The following KCNN3 variants were observed in gnomAD, a reference collection of about 807,000 sequenced individuals.
KCNN3 encodes potassium calcium-activated channel subfamily N member 3.
KCNN3 carries 16 observed loss-of-function variants against 62.9 expected under a neutral mutation model. The ratio of observed to expected loss-of-function variants is 0.25; its 90% CI spans 0.17 to 0.39. KCNN3 has a LOEUF of 0.39. Ranked by LOEUF, KCNN3 falls within the 10% of genes least tolerant of loss-of-function variation. The probability of loss-of-function intolerance (pLI) is 1.00; values close to 1 mark genes in which losing one functional copy is unlikely to be tolerated. For synonymous variants in KCNN3, 370 were observed against 389.2 expected, an observed-to-expected ratio of 0.95 and a Z score of 0.58; for missense variants, 599 against 949.4, an observed-to-expected ratio of 0.63 and a Z score of 4.85.
intron 3 of KCNN3, among the ~76,000 whole-genome samples, chr1:154,756,250 G>C (rs374964888): frequency 0.01 from 1,400 of 138,270 alleles, 27 homozygotes; most frequent in African/African-American, 0.035. Context: ...GAACAAGAAG[G>C]CAAAGGCAAA....
At chr1:154,765,555 C>T (rs1648217500) in intron 3 of KCNN3, among the ~76,000 whole-genome samples, 1 of 151,972 alleles carries the variant, frequency 6.6e-6, no homozygotes, top group Non-Finnish European at 1.5e-5. Flanking sequence ...CATCTGCCCA[C>T]TCTTCTCTAT....
Position 154,725,900 on chromosome 1 carries a change from CT to C in KCNN3, c.1701+15del. 6.3e-6 allele frequency: 10 copies of C among 1,596,700 alleles called. No individual in the cohort carries two copies. Among genetic ancestry groups the C allele is most frequent in the Non-Finnish European group, 8.6e-6 (10 of 1,164,494 alleles). On this transcript the variant is annotated intron_variant, in intron 5 of 7. Coordinates refer to ENST00000271915, the MANE Select transcript of KCNN3 (RefSeq NM_002249.6). ...GCCTTAAGTCCCCCATAAGACATGG[CT>C]GTGTGGCATCTTACCCGCTTGGTGA...
intron 2 of KCNN3, among the ~76,000 whole-genome samples, chr1:154,812,479 A>AT (rs1179634459): frequency 6.6e-6 from 1 of 151,842 alleles, no homozygotes; most frequent in African/African-American, 2.4e-5. Flanking sequence ...TCATTGTTCA[A>AT]TCCCACCTGT....
rs1020918310 is a variant in KCNN3, at chr1:154,699,972, C to T, written c.*8004G>A. 6.6e-6 allele frequency: 1 copy of T among 152,086 alleles called. No homozygotes were observed. The highest frequency in any genetic ancestry group is 1.5e-5 in the Non-Finnish European group (1 of 68,006). 9.4% of individuals were successfully genotyped at this position (152,086 alleles called of 1,614,324 possible). A position where few individuals can be genotyped will look rare whatever the true frequency, so the allele number is the denominator to read the frequency against. ...CTATTTAGGTAAGACCGGAAAAAGA[C>T]TATCTCTTATTGACTTTATTATGTT... On this transcript the variant is annotated 3_prime_UTR_variant, in exon 8 of 8. Transcript: ENST00000271915.
chr1:154,780,194 C>CTTTTTTTTTTTTTTTTT (rs71077969), intron 2 of KCNN3, among the ~76,000 whole-genome samples: 45 of 102,002 alleles, frequency 4.4e-4, no homozygotes, highest in African/African-American at 6.3e-4. Flanking sequence ...TTCTTTTTTT[C>CTTTTTTTTTTTTTTTTT]TTTTTTTTTT....
intron 1 of KCNN3, among the ~76,000 whole-genome samples, chr1:154,852,759 CT>C (rs1652355908): frequency 6.6e-6 from 1 of 152,114 alleles, no homozygotes; most frequent in South Asian, 2.1e-4. Context: ...CTACTTTTCT[CT>C]TTTCACTATT....
At position 154,701,165 on chromosome 1, in the gene KCNN3, C is replaced by T. The variant is rs1557930078; in HGVS notation, c.*6811G>A. ...TACCTAATGTCAGTGAGCCCCATGACTTATATACCTTTAAGCTCATATAAA... is the reference window on the plus strand; with the variant it reads ...TACCTAATGTCAGTGAGCCCCATGATTTATATACCTTTAAGCTCATATAAA... On this transcript the variant is annotated 3_prime_UTR_variant, in exon 8 of 8. Coordinates refer to ENST00000271915, the MANE Select transcript of KCNN3 (RefSeq NM_002249.6). 2.6e-5 allele frequency: 4 copies of T among 152,226 alleles called. No homozygotes were observed. Among genetic ancestry groups the T allele is most frequent in the Non-Finnish European group, 2.9e-5 (2 of 68,042 alleles). The allele number at this position is 152,226 out of a possible 1,614,324, so 9.4% of individuals were successfully genotyped here.
intron 1 of KCNN3, among the ~76,000 whole-genome samples, chr1:154,837,705 A>T (rs967092243): frequency 6.6e-6 from 1 of 152,224 alleles, no homozygotes; most frequent in African/African-American, 2.4e-5. Flanking sequence ...GTGATGACAC[A>T]CTGAGCTATC....
intron 1 of KCNN3, among the ~76,000 whole-genome samples, chr1:154,856,024 C>T (rs1238483339): frequency 6.6e-6 from 1 of 152,200 alleles, no homozygotes; most frequent in Non-Finnish European, 1.5e-5. Flanking sequence ...GAGGGAAGCT[C>T]CCCTGAGCCC....
intron 3 of KCNN3, among the ~76,000 whole-genome samples, chr1:154,742,576 G>A (rs1157647960): frequency 2.6e-5 from 4 of 152,318 alleles, no homozygotes; most frequent in Non-Finnish European, 4.4e-5. Flanking sequence ...TTTTCATCTC[G>A]TGTGTCTATG....
At chr1:154,858,083 G>A (rs995759988) in intron 1 of KCNN3, among the ~76,000 whole-genome samples, 6 of 152,032 alleles carry the variant, frequency 3.9e-5, no homozygotes, top group Non-Finnish European at 5.9e-5. Context: ...TCTTTCCATC[G>A]CTGGCACATA....
Position 154,699,183 on chromosome 1 carries a change from C to T in KCNN3, c.*8793G>A, listed in dbSNP as rs1699801355. 7.4e-6 allele frequency: 1 copy of T among 135,508 alleles called. No homozygotes were observed. 8.4% of individuals were successfully genotyped at this position (135,508 alleles called of 1,614,324 possible). ...CCATTCAAAACCTTCAGGCACTTGA[C>T]TTTTTTTTTTTTTTTTAATATCCTT... is the stretch of plus-strand genomic sequence containing the variant. On this transcript the variant is annotated 3_prime_UTR_variant, in exon 8 of 8. Transcript: ENST00000271915.
rs917524524 is a variant in KCNN3 at position 154,708,216 on chromosome 1, C to T, written c.1956G>A (p.Leu652=). ...ITELNDRSED[L]EKQIGSLESK... ...ACTCCAGGCTGCCAATCTGCTTCTC[C>T]AGGTCTTCGCTCCGGTCATTGAGTT... The change falls in exon 8 of 8, where the codon CTG becomes CTA. Residue 652 remains leucine, a synonymous_variant. Coordinates refer to ENST00000271915, the MANE Select transcript of KCNN3 (RefSeq NM_002249.6). 1.9e-6 allele frequency: 3 copies of T among 1,613,784 alleles called. No homozygotes were observed. The highest frequency in any genetic ancestry group is 2.5e-6 in the Non-Finnish European group (3 of 1,179,996).
At chr1:154,795,336 C>T (rs1018212865) in intron 2 of KCNN3, among the ~76,000 whole-genome samples, 2 of 152,208 alleles carry the variant, frequency 1.3e-5, no homozygotes, top group East Asian at 1.9e-4. Context: ...CGTGAAAGAA[C>T]GCACTTTGCA....
rs566844734 is a variant in KCNN3 at position 154,811,514 on chromosome 1, G to A, written c.1029+10575C>T. On this transcript the variant is annotated intron_variant, in intron 2 of 7. Transcript: ENST00000271915. Reference sequence around the variant, plus strand: ...AGTCTCAACTTGGACCCAGGTCTACGGACCGCAGGCTCAGTGTCTCTCCCA... The same window carrying A: ...AGTCTCAACTTGGACCCAGGTCTACAGACCGCAGGCTCAGTGTCTCTCCCA... 6.6e-5 allele frequency among the ~76,000 whole-genome samples: 10 copies of A among 152,260 alleles called. No individual in the cohort carries two copies. In the South Asian group the frequency reaches 1.7e-3, roughly 25 times the overall value.
In KCNN3 at chr1:154,702,717, A is replaced by G. The variant is rs1699879982; in HGVS notation, c.*5259T>C. 9.9e-6 allele frequency: 1 copy of G among 101,106 alleles called. No homozygotes were observed. The highest frequency in any genetic ancestry group is 1.9e-5 in the Non-Finnish European group (1 of 51,540). 6.3% of individuals were successfully genotyped at this position (101,106 alleles called of 1,614,324 possible). The stretch of plus-strand genomic sequence containing the variant: ...CTGATTCAGATATATATATATATAT[A>G]TATATATATATATATATATATATAT... On this transcript the variant is annotated 3_prime_UTR_variant, in exon 8 of 8. Coordinates refer to ENST00000271915, the MANE Select transcript of KCNN3 (RefSeq NM_002249.6).
chr1:154,730,543 T>G (rs964948391), intron 4 of KCNN3, among the ~76,000 whole-genome samples: 9 of 151,822 alleles, frequency 5.9e-5, no homozygotes, highest in Non-Finnish European at 1.3e-4. Flanking sequence ...TGGCTAGGAG[T>G]GACTCAGCTA....
At chr1:154,742,983 T>A (rs2101804148) in intron 3 of KCNN3, among the ~76,000 whole-genome samples, 1 of 152,288 alleles carries the variant, frequency 6.6e-6, no homozygotes, top group East Asian at 1.9e-4. Context: ...CTGCAGCCCC[T>A]TCTCTTCATT....
intron 1 of KCNN3, among the ~76,000 whole-genome samples, chr1:154,864,747 G>A (rs1468281947): frequency 6.6e-6 from 1 of 152,260 alleles, no homozygotes; most frequent in African/African-American, 2.4e-5. Context: ...GGCCAGGCAG[G>A]GGCCACAGAG....
Sources: gnomAD v4.1 joint callset for allele counts (sites outside exome capture counted in the v4.1 genomes callset) on GRCh38, gnomAD v4.1.1 for gene constraint, MANE v1.5 for transcripts, NCBI Gene and HGNC (gene_info 2026-07-23, HGNC 2026-07-21) for gene names.